Variants in SH3BGR observed in about 807,000 individuals in gnomAD.
SH3BGR encodes the protein SH3 domain-binding glutamic acid-rich protein.
A neutral mutation model predicts 24.5 loss-of-function variants in SH3BGR; 29 were observed. That is an observed-to-expected ratio of 1.18 (90% CI 0.88 to 1.61). The LOEUF (loss-of-function observed/expected upper bound fraction) is 1.61, where lower values mean the gene tolerates loss of function less well. Ranked by LOEUF, SH3BGR falls within the 40% of genes most tolerant of loss-of-function variation. The pLI is 0.00. For missense variants in SH3BGR, 162 were observed against 205.8 expected, an observed-to-expected ratio of 0.79 and a Z score of 1.30; for synonymous variants, 55 against 65.7, an observed-to-expected ratio of 0.84 and a Z score of 0.79.
chr21:39,449,300 C>G (rs2077547406), upstream of SH3BGR, among the ~76,000 whole-genome samples: 1 of 152,160 alleles, frequency 6.6e-6, no homozygotes, highest in African/African-American at 2.4e-5. Context: ...GCTGCATTCC[C>G]CAATCTGCAG....
chr21:39,479,200 TGGTGGTGGTGGTGGAGGTGGTAAG>T (rs1480609928), intron 3 of SH3BGR, among the ~76,000 whole-genome samples: 1 of 149,464 alleles, frequency 6.7e-6, no homozygotes, highest in Non-Finnish European at 1.5e-5. Context: ...CGAGGCTATG[TGGTGGTGGTGGTGGAGGTGGTAAG>T]GGTGGTGGTG....
intron 3 of SH3BGR, among the ~76,000 whole-genome samples, chr21:39,499,449 T>C (rs909547765): frequency 8.6e-5 from 13 of 151,960 alleles, no homozygotes; most frequent in African/African-American, 2.9e-4. Flanking sequence ...CTACTTTATC[T>C]TTCTACCTTA....
chr21:39,504,633 C>A (rs189938783), intron 4 of SH3BGR, among the ~76,000 whole-genome samples: 1 of 152,114 alleles, frequency 6.6e-6, no homozygotes, highest in African/African-American at 2.4e-5. Flanking sequence ...TGTATGCTTC[C>A]TCAAATGGTG....
chr21:39,450,426 C>T (rs576411195), upstream of SH3BGR, among the ~76,000 whole-genome samples: 1 of 152,262 alleles, frequency 6.6e-6, no homozygotes, highest in African/African-American at 2.4e-5. Flanking sequence ...ATTCCGGGGA[C>T]TGGGATGTCT....
chr21:39,497,820 T>C (rs1053432479), intron 3 of SH3BGR, among the ~76,000 whole-genome samples: 6 of 152,182 alleles, frequency 3.9e-5, no homozygotes, highest in Admixed American at 6.5e-5. Context: ...ACATTAGAAA[T>C]AACAATCATC....
chr21:39,475,780 G>A (rs2078018381), intron 3 of SH3BGR, among the ~76,000 whole-genome samples: 1 of 152,162 alleles, frequency 6.6e-6, no homozygotes, highest in African/African-American at 2.4e-5. Flanking sequence ...AATAAAGCAG[G>A]AACCATGAAT....
intron 3 of SH3BGR, among the ~76,000 whole-genome samples, chr21:39,498,560 T>A (rs2078436407): frequency 6.6e-6 from 1 of 152,212 alleles, no homozygotes; most frequent in African/African-American, 2.4e-5. Flanking sequence ...AAATGCAAGC[T>A]ATTATCCTTA....
chr21:39,498,200 T>C lies in SH3BGR; in HGVS notation c.313-1623T>C, dbSNP rs192499940. 3.8e-3 allele frequency among the ~76,000 whole-genome samples: 579 copies of C among 152,308 alleles called. 5 individuals carry two copies. The highest frequency in any genetic ancestry group is 0.013 in the African/African-American group (537 of 41,540). On this transcript the variant is annotated intron_variant, in intron 3 of 6. Transcript: ENST00000333634. ...AAGAAAAATGACAATCAATTCCCCC[T>C]TAAAATAGCTTTTATGTATTAGGAT...
At chr21:39,457,585 G>A (rs1254735690) in intron 1 of SH3BGR, among the ~76,000 whole-genome samples, 1 of 149,502 alleles carries the variant, frequency 6.7e-6, no homozygotes, top group Non-Finnish European at 1.5e-5. Flanking sequence ...GGTCTTGGAG[G>A]TGATTTGGTT....
intron 2 of SH3BGR, among the ~76,000 whole-genome samples, chr21:39,470,261 AC>A (rs2077916002): frequency 1.3e-5 from 2 of 150,264 alleles, no homozygotes; most frequent in Non-Finnish European, 1.5e-5. Flanking sequence ...TTTGTCCCAA[AC>A]TTTTTTTTTT....
chr21:39,451,060 A>G (rs914160549), upstream of SH3BGR, among the ~76,000 whole-genome samples: 4 of 152,050 alleles, frequency 2.6e-5, no homozygotes, highest in African/African-American at 4.8e-5. Context: ...GGCTCACACA[A>G]TCCTCCTGCC....
intron 2 of SH3BGR, among the ~76,000 whole-genome samples, chr21:39,474,887 A>AGG (rs560747005): frequency 4.5e-4 from 16 of 35,760 alleles, no homozygotes; most frequent in Non-Finnish European, 7.2e-4. Context: ...GAGCATGGGT[A>AGG]GGGGTGTGTG....
chr21:39,514,559 A>C (rs949735353), intron 6 of SH3BGR, among the ~76,000 whole-genome samples: 2 of 151,982 alleles, frequency 1.3e-5, no homozygotes, highest in Non-Finnish European at 2.9e-5. Context: ...ATGGGGTTTC[A>C]CCATGTTGCC....
chr21:39,474,201 A>AG (rs965650888), intron 2 of SH3BGR, among the ~76,000 whole-genome samples: 1 of 152,126 alleles, frequency 6.6e-6, no homozygotes, highest in Non-Finnish European at 1.5e-5. Flanking sequence ...CTCATGTTCA[A>AG]GGAATCCTCC....
At chr21:39,464,371 T>C (rs1362942038) in intron 2 of SH3BGR, among the ~76,000 whole-genome samples, 1 of 152,176 alleles carries the variant, frequency 6.6e-6, no homozygotes, top group African/African-American at 2.4e-5. Flanking sequence ...TACAGGCGTG[T>C]GCCACTACGC....
chr21:39,469,858 G>A (rs143400985), intron 2 of SH3BGR, among the ~76,000 whole-genome samples: 12,375 of 151,956 alleles, frequency 0.081, 659 homozygotes, highest in Non-Finnish European at 0.12. Flanking sequence ...GTGTCATCAT[G>A]TTGGCCAGGT....
At chr21:39,447,243 G>T (rs80013255), upstream of SH3BGR, among the ~76,000 whole-genome samples, 5 of 152,036 alleles carry the variant, frequency 3.3e-5, no homozygotes, top group Non-Finnish European at 5.9e-5. Context: ...AGTAACGAGA[G>T]CGGAGTTTTG....
intron 3 of SH3BGR, among the ~76,000 whole-genome samples, chr21:39,499,504 C>T (rs2078457039): frequency 6.6e-6 from 1 of 152,188 alleles, no homozygotes; most frequent in Non-Finnish European, 1.5e-5. Context: ...AGCCTCCCTC[C>T]ATACAAGCAA....
intron 3 of SH3BGR, among the ~76,000 whole-genome samples, chr21:39,499,255 C>CTATCTATCTATCTATCTATCTATCT (rs1555914088): frequency 6.6e-6 from 1 of 151,082 alleles, no homozygotes; most frequent in Non-Finnish European, 1.5e-5. Context: ...ACCTATCTAT[C>CTATCTATCTATCTATCTATCTATCT]ATCTGTCTAT....
Sources: gnomAD v4.1 joint callset for allele counts (sites outside exome capture counted in the v4.1 genomes callset) on GRCh38, gnomAD v4.1.1 for gene constraint, MANE v1.5 for transcripts, NCBI Gene and HGNC (gene_info 2026-07-23, HGNC 2026-07-21) for gene names.